HDX: variants seen among roughly 807,000 people sequenced by gnomAD.
HDX encodes highly divergent homeobox.
HDX carries 19 observed loss-of-function variants against 45.2 expected under a neutral mutation model. The observed-to-expected ratio is 0.42, with a 90% CI of 0.29 to 0.62. HDX has a LOEUF of 0.62. Among genes scored for constraint, HDX ranks in the 20% least tolerant of loss-of-function variants. The pLI is 0.20. For synonymous variants in HDX, 188 were observed against 172.8 expected, an observed-to-expected ratio of 1.09 and a Z score of -0.69; for missense variants, 532 against 493.9, an observed-to-expected ratio of 1.08 and a Z score of -0.73.
intron 1 of HDX, among the ~76,000 whole-genome samples, chrX:84,489,673 C>G (rs2040857641): frequency 8.9e-6 from 1 of 112,057 alleles, no homozygotes; most frequent in South Asian, 3.7e-4. Flanking sequence ...TCAGGCAGAC[C>G]TAAGTGTATG....
At chrX:84,495,670 A>G (rs1174636156) in intron 1 of HDX, among the ~76,000 whole-genome samples, 1 of 111,881 alleles carries the variant, frequency 8.9e-6, no homozygotes, top group Admixed American at 9.5e-5. Flanking sequence ...AAAAAAATAA[A>G]ACAAAAACAA....
chrX:84,464,697 C>T (rs760857218), intron 4 of HDX, among the ~76,000 whole-genome samples: 5 of 111,755 alleles, frequency 4.5e-5, no homozygotes, highest in African/African-American at 1.3e-4. Context: ...AAGACTAAAA[C>T]GTAAGACCTA....
At chrX:84,399,480 T>G (rs1300897044) in intron 5 of HDX, among the ~76,000 whole-genome samples, 2 of 110,886 alleles carry the variant, frequency 1.8e-5, no homozygotes, top group African/African-American at 6.6e-5. Context: ...TGGATAAATT[T>G]CTGAACACAT....
chrX:84,417,218 G>GAAAAAGAAAGAAAGAAAGAA (rs61537095), intron 5 of HDX, among the ~76,000 whole-genome samples: 1,872 of 100,270 alleles, frequency 0.019, 15 homozygotes, highest in East Asian at 0.068. Flanking sequence ...AAAAAAAAGA[G>GAAAAAGAAAGAAAGAAAGAA]AGAAAGAAAG....
chrX:84,379,654 A>G (rs2038141735), intron 5 of HDX, among the ~76,000 whole-genome samples: 2 of 111,786 alleles, frequency 1.8e-5, no homozygotes, highest in Admixed American at 1.9e-4. Context: ...AAAGAAATTA[A>G]GAAGAAACTT....
intron 5 of HDX, among the ~76,000 whole-genome samples, chrX:84,407,293 T>C (rs2038852913): frequency 9.0e-6 from 1 of 111,724 alleles, no homozygotes; most frequent in Non-Finnish European, 1.9e-5. Flanking sequence ...CTCCAATTTA[T>C]AACTGAGAAC....
At chrX:84,469,726 T>G in intron 3 of HDX, 151 bp from the exon 4 acceptor site, 1 of 465,699 alleles carries the variant, frequency 2.1e-6, no homozygotes, top group East Asian at 3.8e-5. Flanking sequence ...AAAAACTGAC[T>G]AAAGTACAAA....
rs1253404137 is a variant in HDX at position 84,393,070 on chromosome X, G to A, written c.1306-31458C>T. Among the ~76,000 whole-genome samples, 6 of 111,037 alleles carry A rather than the reference G, an allele frequency of 5.4e-5. No individual in the cohort carries two copies. In the Admixed American group the frequency reaches 5.8e-4, roughly 11 times the overall value. Reference sequence around the variant, plus strand: ...ATATTTTATAACATTCTAAAACTTTGCTTAGCAAATGTGGCATCCTTGTAT... The same window carrying A: ...ATATTTTATAACATTCTAAAACTTTACTTAGCAAATGTGGCATCCTTGTAT... On this transcript the variant is annotated intron_variant, in intron 5 of 10. Coordinates refer to ENST00000373177, the MANE Select transcript of HDX (RefSeq NM_001177479.2).
intron 2 of HDX, 152 bp from the exon 3 acceptor site, chrX:84,475,549 C>A: frequency 2.6e-6 from 1 of 391,700 alleles, no homozygotes; most frequent in Admixed American, 5.3e-5. Flanking sequence ...AATTTGTGTG[C>A]TAAAGGGAGA....
intron 5 of HDX, among the ~76,000 whole-genome samples, chrX:84,366,949 C>A (rs1476165595): frequency 2.7e-5 from 3 of 112,019 alleles, no homozygotes; most frequent in Admixed American, 9.5e-5. Context: ...GCAAAGACTT[C>A]ATGACTAAAA....
chrX:84,478,285 A>T (rs2040599329), intron 2 of HDX, among the ~76,000 whole-genome samples: 1 of 111,975 alleles, frequency 8.9e-6, no homozygotes, highest in Non-Finnish European at 1.9e-5. Context: ...ATATTAAATC[A>T]TGCTTAGTAT....
At chrX:84,457,655 T>C (rs2040141687) in intron 4 of HDX, among the ~76,000 whole-genome samples, 1 of 111,899 alleles carries the variant, frequency 8.9e-6, no homozygotes, top group Non-Finnish European at 1.9e-5. Context: ...CTTCATCTCA[T>C]GAGGTCAACA....
At chrX:84,360,420 A>C (rs2147846799) in intron 6 of HDX, among the ~76,000 whole-genome samples, 1 of 112,251 alleles carries the variant, frequency 8.9e-6, no homozygotes, top group Non-Finnish European at 1.9e-5. Context: ...TTATTGAGAT[A>C]TATTTAAAAC....
intron 8 of HDX, among the ~76,000 whole-genome samples, chrX:84,334,331 T>C (rs1182113339): frequency 2.7e-5 from 3 of 111,017 alleles, no homozygotes; most frequent in African/African-American, 9.8e-5. Context: ...TGCACAACTT[T>C]AGCTTGACAA....
At chrX:84,462,612 AAAC>A (rs775777848) in intron 4 of HDX, among the ~76,000 whole-genome samples, 17 of 111,676 alleles carry the variant, frequency 1.5e-4, no homozygotes, top group Admixed American at 3.8e-4. Context: ...ATACTAAAGA[AAAC>A]AAAACCCAGT....
At chrX:84,404,224 T>C (rs2038766936) in intron 5 of HDX, among the ~76,000 whole-genome samples, 1 of 111,739 alleles carries the variant, frequency 8.9e-6, no homozygotes, top group South Asian at 3.7e-4. Context: ...ATTTTTAGAG[T>C]GTAAAAAGCA....
At chrX:84,415,864 A>G (rs1234930601) in intron 5 of HDX, among the ~76,000 whole-genome samples, 1 of 112,052 alleles carries the variant, frequency 8.9e-6, no homozygotes, top group Admixed American at 9.5e-5. Flanking sequence ...TTATATGAAT[A>G]GAACGTTAAA....
intron 9 of HDX, among the ~76,000 whole-genome samples, chrX:84,327,219 T>C (rs2036732874): frequency 8.9e-6 from 1 of 111,795 alleles, no homozygotes; most frequent in Admixed American, 9.5e-5. Flanking sequence ...TGGACTAATA[T>C]TTGGGAGTAT....
chrX:84,362,582 G>A (rs1456923782), intron 5 of HDX, among the ~76,000 whole-genome samples: 1 of 110,236 alleles, frequency 9.1e-6, no homozygotes, highest in South Asian at 3.8e-4. Flanking sequence ...AAATGAGAGA[G>A]ACAGAGAGAG....
Sources: allele counts gnomAD v4.1 joint callset (sites outside exome capture counted in the v4.1 genomes callset), GRCh38; gene constraint gnomAD v4.1.1; transcripts MANE v1.5; gene names NCBI Gene and HGNC (gene_info 2026-07-23, HGNC 2026-07-21).